Variants in DMD observed in about 807,000 individuals in gnomAD.
The protein encoded by DMD is dystrophin, also known as mutant dystrophin.
In DMD, 63 loss-of-function variants were observed where a neutral mutation model predicts 330.1. That is an observed-to-expected ratio of 0.19 (90% confidence interval 0.16 to 0.24). The LOEUF (loss-of-function observed/expected upper bound fraction) is 0.24. Among genes scored for constraint, DMD ranks in the 10% least tolerant of loss-of-function variants. DMD has a pLI of 1.00. For missense variants in DMD, 3,344 were observed against 2,684.1 expected, an observed-to-expected ratio of 1.25 and a Z score of -5.43; for synonymous variants, 1,223 against 959.8, an observed-to-expected ratio of 1.27 and a Z score of -5.07.
rs1380625438 is a variant in DMD at position 32,499,592 on chromosome X, G to A, written c.2380+2163C>T. 2.7e-5 allele frequency among the ~76,000 whole-genome samples: 3 copies of A among 111,569 alleles called. No individual in the cohort carries two copies. The East Asian group carries it at 8.4e-4, about 31-fold the overall frequency. On this transcript the variant is annotated intron_variant, in intron 19 of 78. Transcript: ENST00000357033. ...GAATGTATGTGTCTTACGTGGTTGTGAGATTTATTATATCTCCATAGCCTA... is the reference window on the plus strand; with the variant it reads ...GAATGTATGTGTCTTACGTGGTTGTAAGATTTATTATATCTCCATAGCCTA...
At chrX:32,394,831 G>A (rs1196312529) in intron 30 of DMD, among the ~76,000 whole-genome samples, 2 of 103,824 alleles carry the variant, frequency 1.9e-5, no homozygotes, top group Non-Finnish European at 3.9e-5. Context: ...AGCCTCCAAG[G>A]TTAGTAGAGG....
chrX:31,940,095 CA>C lies in DMD; in HGVS notation c.6615-7869del, dbSNP rs1447552507. Among the ~76,000 whole-genome samples the C allele has an allele frequency of 6.3e-5, 7 of 110,892 alleles. No homozygotes were observed. In the Admixed American group the frequency reaches 6.7e-4, roughly 11 times the overall value. ...CCGATTGGGAGGAAGGGGAGGCAGA[CA>C]GTAAACAAGATAAAGAAATAAAATC... On this transcript the variant is annotated intron_variant, in intron 45 of 78. Coordinates refer to ENST00000357033, the MANE Select transcript of DMD (RefSeq NM_004006.3).
intron 1 of DMD, among the ~76,000 whole-genome samples, chrX:33,166,778 TA>T (rs1480439889): frequency 5.1e-4 from 55 of 107,741 alleles, no homozygotes; most frequent in Middle Eastern, 4.9e-3. Context: ...TATATATATA[TA>T]TTTTTTTTCC....
intron 55 of DMD, among the ~76,000 whole-genome samples, chrX:31,577,761 T>A (rs1360742663): frequency 3.6e-5 from 4 of 111,845 alleles, no homozygotes; most frequent in Non-Finnish European, 5.6e-5. Context: ...TCGACATGTT[T>A]AAAAAGCCAC....
chrX:31,340,364 A>T (rs1378838662), intron 61 of DMD, among the ~76,000 whole-genome samples: 13 of 112,631 alleles, frequency 1.2e-4, no homozygotes, highest in Non-Finnish European at 2.3e-4. Context: ...TCACTGGTTA[A>T]AAGCTGGAGT....
chrX:32,525,355 G>T (rs1340632700), intron 17 of DMD, among the ~76,000 whole-genome samples: 1 of 111,192 alleles, frequency 9.0e-6, no homozygotes, highest in Non-Finnish European at 1.9e-5. Context: ...TCTGCCAGTG[G>T]ATAGCCTCAT....
chrX:32,497,655 G>C (rs1036755085), intron 19 of DMD, among the ~76,000 whole-genome samples: 8 of 111,820 alleles, frequency 7.2e-5, no homozygotes, highest in Non-Finnish European at 1.3e-4. Context: ...GCTTTTTTGT[G>C]TTATGCCTGA....
chrX:32,053,910 AT>A (rs56396891), intron 44 of DMD, among the ~76,000 whole-genome samples: 2 of 110,343 alleles, frequency 1.8e-5, no homozygotes, highest in African/African-American at 3.3e-5. Context: ...AGGTCACCTA[AT>A]TTTTTTTCTC....
At chrX:31,199,754 C>T (rs2043252080) in intron 67 of DMD, among the ~76,000 whole-genome samples, 1 of 111,971 alleles carries the variant, frequency 8.9e-6, no homozygotes, top group Non-Finnish European at 1.9e-5. Flanking sequence ...ATCAAATCTG[C>T]AATGCAAGGA....
chrX:32,892,170 G>A (rs185613812), intron 2 of DMD, among the ~76,000 whole-genome samples: 52 of 111,697 alleles, frequency 4.7e-4, no homozygotes, highest in Non-Finnish European at 9.0e-4. Flanking sequence ...ATCTGGCCTC[G>A]GCTTTCCCTC....
chrX:33,101,039 C>A (rs909953925), intron 1 of DMD, among the ~76,000 whole-genome samples: 1 of 111,948 alleles, frequency 8.9e-6, no homozygotes, highest in African/African-American at 3.2e-5. Flanking sequence ...ACCAGAAGAG[C>A]AGTTAGTGAG....
At chrX:33,305,605 A>AC (rs1569559733) in intron 1 of DMD, among the ~76,000 whole-genome samples, 1 of 60,302 alleles carries the variant, frequency 1.7e-5, no homozygotes, top group East Asian at 5.3e-4. Flanking sequence ...ATATAACTTC[A>AC]AAAAAAAAAA....
chrX:32,122,183 T>C (rs1230109190), intron 44 of DMD, among the ~76,000 whole-genome samples: 2 of 111,643 alleles, frequency 1.8e-5, no homozygotes, highest in African/African-American at 6.5e-5. Flanking sequence ...TATAAAAGCC[T>C]TATATGGTTT....
At chrX:33,321,480 T>A (rs1033147274) in intron 1 of DMD, among the ~76,000 whole-genome samples, 3 of 111,668 alleles carry the variant, frequency 2.7e-5, no homozygotes, top group Non-Finnish European at 5.6e-5. Flanking sequence ...GGGCTTAAAA[T>A]ATTCAGTAAA....
At chrX:32,710,568 G>A (rs2065096344) in intron 7 of DMD, among the ~76,000 whole-genome samples, 1 of 111,009 alleles carries the variant, frequency 9.0e-6, no homozygotes, top group African/African-American at 3.3e-5. Context: ...TCAAGACACA[G>A]GAAAACTAAT....
chrX:32,435,122 CATTTT>C (rs1196240992), intron 29 of DMD, among the ~76,000 whole-genome samples: 4 of 107,687 alleles, frequency 3.7e-5, no homozygotes, highest in Non-Finnish European at 7.7e-5. Context: ...TCTGTCTTCA[CATTTT>C]ATTTAACTAA....
chrX:32,907,631 A>G (rs980719404), intron 2 of DMD, among the ~76,000 whole-genome samples: 1 of 112,015 alleles, frequency 8.9e-6, no homozygotes, highest in Non-Finnish European at 1.9e-5. Flanking sequence ...CAATTCAGAC[A>G]CTGAGAGTGG....
intron 43 of DMD, among the ~76,000 whole-genome samples, chrX:32,240,241 G>A (rs972422898): frequency 3.6e-5 from 4 of 111,966 alleles, no homozygotes; most frequent in Non-Finnish European, 7.5e-5. Context: ...ACTATGATCT[G>A]AGTGTGTTCT....
intron 60 of DMD, among the ~76,000 whole-genome samples, chrX:31,434,412 G>A (rs909321167): frequency 4.5e-5 from 3 of 67,114 alleles, no homozygotes; most frequent in Non-Finnish European, 5.1e-5. Context: ...TTACTGCAGC[G>A]CGCGCGCACA....
Sources: gnomAD v4.1 joint callset for allele counts (sites outside exome capture counted in the v4.1 genomes callset) on GRCh38, gnomAD v4.1.1 for gene constraint, MANE v1.5 for transcripts, NCBI Gene and HGNC (gene_info 2026-07-23, HGNC 2026-07-21) for gene names.